Variants in CASK observed in about 807,000 individuals in gnomAD.
The protein encoded by CASK is calcium/calmodulin dependent serine protein kinase, also known as peripheral plasma membrane protein CASK.
In CASK, 4 loss-of-function variants were observed where a neutral mutation model predicts 82.9. That is an observed-to-expected ratio of 0.05 (90% confidence interval 0.02 to 0.11). The LOEUF (loss-of-function observed/expected upper bound fraction) is 0.11. CASK is among the 10% of genes least tolerant of loss of function. The pLI is 1.00. For synonymous variants in CASK, 259 were observed against 253.5 expected, an observed-to-expected ratio of 1.02 and a Z score of -0.20; for missense variants, 358 against 720.9, an observed-to-expected ratio of 0.50 and a Z score of 5.76.
intron 2 of CASK, among the ~76,000 whole-genome samples, chrX:41,806,103 G>T (rs946614596): frequency 8.9e-6 from 1 of 111,787 alleles, no homozygotes; most frequent in Non-Finnish European, 1.9e-5. Flanking sequence ...ACAGGAACCT[G>T]TTATAATGAT....
chrX:41,615,783 C>T (rs774246774), intron 11 of CASK, among the ~76,000 whole-genome samples: 3 of 109,846 alleles, frequency 2.7e-5, no homozygotes, highest in African/African-American at 3.3e-5. Flanking sequence ...CAGGTTACCA[C>T]GCCCAGCTAA....
chrX:41,643,450 G>A (rs1293926907), intron 8 of CASK, among the ~76,000 whole-genome samples: 1 of 111,351 alleles, frequency 9.0e-6, no homozygotes, highest in African/African-American at 3.3e-5. Context: ...TTATTTCATT[G>A]AGCAGTGGTT....
At chrX:41,549,701 G>A (rs1403421271) in intron 21 of CASK, among the ~76,000 whole-genome samples, 1 of 109,481 alleles carries the variant, frequency 9.1e-6, no homozygotes, top group Non-Finnish European at 1.9e-5. Flanking sequence ...TTAGTTGGGC[G>A]TGGTGGCGGG....
At chrX:41,710,648 T>A (rs1307527967) in intron 5 of CASK, among the ~76,000 whole-genome samples, 4 of 112,189 alleles carry the variant, frequency 3.6e-5, no homozygotes, top group Non-Finnish European at 5.6e-5. Context: ...TCCAGAATGA[T>A]GTCTTTTTGT....
chrX:41,809,528 C>G (rs981486684), intron 2 of CASK, among the ~76,000 whole-genome samples: 1 of 112,296 alleles, frequency 8.9e-6, no homozygotes, highest in Non-Finnish European at 1.9e-5. Flanking sequence ...AGCTGAGGGT[C>G]CTGACTGTTA....
intron 1 of CASK, among the ~76,000 whole-genome samples, chrX:41,875,697 G>GA (rs57241232): frequency 7.6e-5 from 8 of 105,405 alleles, no homozygotes; most frequent in Admixed American, 2.1e-4. Context: ...TAATGATGAA[G>GA]AAAAAAAAAA....
intron 1 of CASK, among the ~76,000 whole-genome samples, chrX:41,904,198 A>G (rs1373499817): frequency 8.9e-6 from 1 of 112,161 alleles, no homozygotes; most frequent in Non-Finnish European, 1.9e-5. Context: ...AAGTTAATGC[A>G]TGTTGCACCA....
chrX:41,611,346 A>G (rs962499063), intron 11 of CASK, among the ~76,000 whole-genome samples: 2 of 111,575 alleles, frequency 1.8e-5, no homozygotes, highest in Non-Finnish European at 3.8e-5. Flanking sequence ...CTGGTAACAT[A>G]TATCAAAAAG....
At position 41,531,182 on chromosome X, in the gene CASK, T is replaced by C; in HGVS notation, c.2345A>G (p.Glu782Gly). 8.3e-7 allele frequency: 1 copy of C among 1,210,918 alleles called. No homozygotes were observed. Among genetic ancestry groups the C allele is most frequent in the Non-Finnish European group, 1.1e-6 (1 of 894,601 alleles). The change falls in exon 25 of 27, where the codon GAA (glutamate) becomes GGA (glycine). Residue 782 changes from glutamate (E) to glycine (G), a missense_variant. By Grantham distance (98) the Glu-to-Gly change is moderately conservative. Around this residue, in one of 5 missense-constraint regions of CASK, gnomAD observed 118 missense variants for 169.4 expected, o/e 0.70. Transcript: ENST00000378163. The part of the protein sequence containing the change: ...PHTTRPPKKD[E>G]ENGKNYYFVS... The stretch of plus-strand genomic sequence containing the variant: ...AAAGTAATAATTCTTTCCATTTTCT[T>C]CGTCTTTCTTTGGAGGTCTGGTTGT...
At chrX:41,650,458 G>GTT (rs559252609) in intron 8 of CASK, among the ~76,000 whole-genome samples, 14 of 102,621 alleles carry the variant, frequency 1.4e-4, no homozygotes, top group South Asian at 4.2e-4. Flanking sequence ...GTTTTTTTTT[G>GTT]TTTTTTTTTG....
chrX:41,875,216 TGA>T lies in CASK; in HGVS notation c.60-21991_60-21990del, dbSNP rs774694866. Among the ~76,000 whole-genome samples, 3 of 112,314 alleles carry T rather than the reference TGA, an allele frequency of 2.7e-5. No individual in the cohort carries two copies. In the East Asian group the frequency reaches 8.4e-4, roughly 31 times the overall value. The stretch of plus-strand genomic sequence containing the variant: ...ATATATTTGCCCAGAGTAGAACTGA[TGA>T]GAGAACAAATATTTGAAAATAACCA... On this transcript the variant is annotated intron_variant, in intron 1 of 26. Transcript: ENST00000378163.
intron 3 of CASK, among the ~76,000 whole-genome samples, chrX:41,747,631 C>A (rs1465902934): frequency 9.0e-6 from 1 of 111,491 alleles, no homozygotes; most frequent in Non-Finnish European, 1.9e-5. Context: ...TTAGTAGAGA[C>A]GGGGTTTCAC....
At chrX:41,813,105 T>C (rs1245870721) in intron 2 of CASK, among the ~76,000 whole-genome samples, 2 of 111,431 alleles carry the variant, frequency 1.8e-5, no homozygotes, top group Non-Finnish European at 3.8e-5. Context: ...CACAAACAAA[T>C]GGAAGAACAT....
chrX:41,537,773 C>T (rs1253347052), intron 22 of CASK, among the ~76,000 whole-genome samples: 3 of 108,295 alleles, frequency 2.8e-5, no homozygotes, highest in African/African-American at 1.0e-4. Context: ...TCACTTTGTA[C>T]CTTCCTGTAC....
intron 16 of CASK, among the ~76,000 whole-genome samples, chrX:41,567,372 G>T (rs1602274144): frequency 9.0e-6 from 1 of 111,692 alleles, no homozygotes; most frequent in Non-Finnish European, 1.9e-5. Context: ...AATCTACAAA[G>T]AACTCAAACA....
intron 15 of CASK, among the ~76,000 whole-genome samples, chrX:41,571,533 T>C (rs1009409107): frequency 1.8e-5 from 2 of 111,878 alleles, no homozygotes; most frequent in African/African-American, 6.5e-5. Context: ...TGGTAATTCA[T>C]GTTTTTTTTC....
intron 2 of CASK, among the ~76,000 whole-genome samples, chrX:41,833,365 T>C (rs1455761031): frequency 4.5e-5 from 5 of 111,953 alleles, no homozygotes; most frequent in African/African-American, 1.3e-4. Context: ...CTTGAAAATA[T>C]GTAAGGCGAA....
At position 41,561,319 on chromosome X, in the gene CASK, G is replaced by A. The variant is rs886411636; in HGVS notation, c.1668+240C>T. On this transcript the variant is annotated intron_variant, in intron 17 of 26. Transcript: ENST00000378163. ...TGCTTGGTAAGAAACAGGAGATAAA[G>A]GATAAAAGGAGAGTGTTAAAGCCCA... Among the ~76,000 whole-genome samples, 4 of 110,706 alleles carry A rather than the reference G, an allele frequency of 3.6e-5. No individual in the cohort carries two copies. In the Admixed American group the frequency reaches 3.9e-4, roughly 11 times the overall value.
intron 2 of CASK, among the ~76,000 whole-genome samples, chrX:41,825,368 T>A (rs1289227888): frequency 8.9e-6 from 1 of 111,848 alleles, no homozygotes; most frequent in Non-Finnish European, 1.9e-5. Context: ...TCTAAAGTGA[T>A]AAAATATTCA....
Sources: allele counts gnomAD v4.1 joint callset (sites outside exome capture counted in the v4.1 genomes callset), GRCh38; gene constraint gnomAD v4.1.1; regional missense constraint gnomAD v4.1.1; transcripts MANE v1.5; gene names NCBI Gene and HGNC (gene_info 2026-07-23, HGNC 2026-07-21).